SOX5: variants seen among roughly 807,000 people sequenced by gnomAD.
The protein encoded by SOX5 is transcription factor SOX-5.
In SOX5, 9 loss-of-function variants were observed where a neutral mutation model predicts 92.0. The ratio of observed to expected loss-of-function variants is 0.10; its 90% CI spans 0.06 to 0.17. SOX5 has a LOEUF of 0.17. Among genes scored for constraint, SOX5 ranks in the 10% least tolerant of loss-of-function variants. SOX5 has a pLI of 1.00. For missense variants in SOX5, 642 were observed against 944.5 expected (o/e 0.68, Z 4.20); for synonymous variants, 344 against 336.3 (o/e 1.02, Z -0.25).
chr12:23,926,620 CT>C (rs1184045340), intron 1 of SOX5, among the ~76,000 whole-genome samples: 1 of 151,972 alleles, frequency 6.6e-6, no homozygotes, highest in African/African-American at 2.4e-5. Context: ...AAATCCTATG[CT>C]TTTTTTCCTG....
At chr12:23,964,842 T>C (rs1947353176) in intron 4 of SOX5, among the ~76,000 whole-genome samples, 1 of 152,266 alleles carries the variant, frequency 6.6e-6, no homozygotes, top group African/African-American at 2.4e-5. Flanking sequence ...TTTTCATTAA[T>C]TTATGGCCCA....
chr12:23,809,617 ATT>A (rs1460788845), intron 3 of SOX5, among the ~76,000 whole-genome samples: 1 of 95,794 alleles, frequency 1.0e-5, no homozygotes, highest in African/African-American at 3.6e-5. Context: ...ATACTTTTTT[ATT>A]AAAAAAAAAA....
At chr12:24,261,613 AC>A (rs1271145594) in intron 3 of SOX5, among the ~76,000 whole-genome samples, 1 of 152,198 alleles carries the variant, frequency 6.6e-6, no homozygotes, top group Non-Finnish European at 1.5e-5. Context: ...CTCACTATTC[AC>A]CAAATTAGAC....
At chr12:24,283,409 G>A (rs1422638341) in intron 2 of SOX5, among the ~76,000 whole-genome samples, 2 of 152,202 alleles carry the variant, frequency 1.3e-5, no homozygotes, top group Non-Finnish European at 2.9e-5. Flanking sequence ...TAATATCAGT[G>A]TTGGAAGGCC....
At chr12:24,519,024 CT>C (rs1597526989) in intron 1 of SOX5, among the ~76,000 whole-genome samples, 1 of 151,968 alleles carries the variant, frequency 6.6e-6, no homozygotes, top group East Asian at 1.9e-4. Flanking sequence ...AACGTTTATT[CT>C]TTTTTAAAAA....
intron 1 of SOX5, among the ~76,000 whole-genome samples, chr12:24,546,540 T>G (rs1376265799): frequency 6.6e-6 from 1 of 152,168 alleles, no homozygotes; most frequent in African/African-American, 2.4e-5. Context: ...CAACATGCTA[T>G]CTCTCACTGC....
chr12:23,865,373 TATTTAAGAAATAC>T (rs1241488074), intron 2 of SOX5, among the ~76,000 whole-genome samples: 1 of 152,222 alleles, frequency 6.6e-6, no homozygotes, highest in Non-Finnish European at 1.5e-5. Context: ...CAAGTCTTAT[TATTTAAGAAATAC>T]ATTTTGGGGC....
intron 4 of SOX5, among the ~76,000 whole-genome samples, chr12:24,045,559 C>A (rs1241881471): frequency 6.6e-6 from 1 of 152,154 alleles, no homozygotes; most frequent in Non-Finnish European, 1.5e-5. Flanking sequence ...CTCAGCCTCC[C>A]AAACTGCTGG....
chr12:24,004,491 G>A (rs976386155), intron 4 of SOX5, among the ~76,000 whole-genome samples: 1 of 151,946 alleles, frequency 6.6e-6, no homozygotes, highest in African/African-American at 2.4e-5. Context: ...GATGCACAAG[G>A]AATAGCTATA....
intron 1 of SOX5, among the ~76,000 whole-genome samples, chr12:24,465,513 C>A (rs537017061): frequency 6.6e-6 from 1 of 152,130 alleles, no homozygotes; most frequent in Non-Finnish European, 1.5e-5. Flanking sequence ...TTCTTGCTTT[C>A]GTAGTGCTTG....
chr12:23,586,105 T>C (rs1358681762), intron 9 of SOX5, among the ~76,000 whole-genome samples: 1 of 152,078 alleles, frequency 6.6e-6, no homozygotes, highest in Non-Finnish European at 1.5e-5. Context: ...CTCCTTTCTT[T>C]TGCCTATTAA....
chr12:24,242,597 G>A lies in SOX5; in HGVS notation c.-76-29180C>T, dbSNP rs1395670319. Among the ~76,000 whole-genome samples, 6 of 151,342 alleles carry A rather than the reference G, an allele frequency of 4.0e-5. No homozygotes were observed. In the East Asian group the frequency reaches 5.8e-4, roughly 15 times the overall value. On this transcript the variant is annotated intron_variant, in intron 3 of 4. Transcript: ENST00000446891. ...AACTATCCTATCCTATTCCAAACACGTATAGTCACTAATAATCAAAGAAAT... is the reference window on the plus strand; with the variant it reads ...AACTATCCTATCCTATTCCAAACACATATAGTCACTAATAATCAAAGAAAT...
intron 1 of SOX5, among the ~76,000 whole-genome samples, chr12:24,453,481 T>C (rs1735108061): frequency 6.6e-6 from 1 of 152,244 alleles, no homozygotes; most frequent in South Asian, 2.1e-4. Context: ...TCAACTCCTT[T>C]TATACTATGC....
chr12:23,967,110 T>C (rs1264994465), intron 4 of SOX5, among the ~76,000 whole-genome samples: 1 of 152,166 alleles, frequency 6.6e-6, no homozygotes, highest in East Asian at 1.9e-4. Context: ...AATGAGCTTT[T>C]AAAAGTTAAG....
At chr12:24,356,625 G>A (rs1056721855) in intron 2 of SOX5, among the ~76,000 whole-genome samples, 16 of 152,136 alleles carry the variant, frequency 1.1e-4, no homozygotes, top group Non-Finnish European at 1.2e-4. Context: ...ACCCCAGCTC[G>A]CAGGCAACAC....
intron 8 of SOX5, among the ~76,000 whole-genome samples, chr12:23,612,435 A>C (rs1481861507): frequency 6.6e-6 from 1 of 152,166 alleles, no homozygotes; most frequent in Middle Eastern, 3.2e-3. Flanking sequence ...TCACTCAAAA[A>C]TAAATAGCTG....
At chr12:24,153,378 T>C (rs1951850869) in intron 4 of SOX5, among the ~76,000 whole-genome samples, 1 of 152,126 alleles carries the variant, frequency 6.6e-6, no homozygotes, top group Admixed American at 6.6e-5. Flanking sequence ...GAGGCTTGTC[T>C]CAAGACTGCA....
intron 8 of SOX5, among the ~76,000 whole-genome samples, chr12:23,627,938 C>G (rs10842194): frequency 6.6e-6 from 1 of 151,614 alleles, no homozygotes; most frequent in Non-Finnish European, 1.5e-5. Flanking sequence ...ATTCTATGTA[C>G]AAAAACTTGA....
rs1568730980 is a variant in SOX5 at position 23,895,876 on chromosome 12, G to A, written c.187C>T (p.His63Tyr). 1.2e-6 allele frequency: 2 copies of A among 1,613,992 alleles called. No homozygotes were observed. Among genetic ancestry groups the A allele is most frequent in the Non-Finnish European group, 1.7e-6 (2 of 1,180,006 alleles). Residue 63 changes from histidine (H) to tyrosine (Y), a missense_variant, in exon 2 of 15, where the codon CAC (histidine) becomes TAC (tyrosine). By Grantham distance (83) the His-to-Tyr change is moderately conservative. Around this residue, in one of 8 missense-constraint regions of SOX5, gnomAD observed 113 missense variants for 117.7 expected, o/e 0.96. Transcript: ENST00000451604. ...PLHVSFPNKP[H>Y]SEEFQPVSLL... is the part of the protein sequence containing the mutation. ...GAAACTGGCTGAAATTCCTCAGAGTGAGGCTTGTTGGGAAAACTCACATGC... is the reference window on the plus strand; with the variant it reads ...GAAACTGGCTGAAATTCCTCAGAGTAAGGCTTGTTGGGAAAACTCACATGC...
Sources: gnomAD v4.1 joint callset for allele counts (sites outside exome capture counted in the v4.1 genomes callset) on GRCh38, gnomAD v4.1.1 for gene constraint, gnomAD v4.1.1 regional missense constraint, MANE v1.5 for transcripts, NCBI Gene and HGNC (gene_info 2026-07-23, HGNC 2026-07-21) for gene names.